Variants in ACACA observed in about 807,000 individuals in gnomAD.
The protein encoded by ACACA is acetyl-CoA carboxylase alpha, also known as acetyl-CoA carboxylase 1.
ACACA carries 103 observed loss-of-function variants against 296.1 expected under a neutral mutation model. That is an observed-to-expected ratio of 0.35 (90% CI 0.30 to 0.41). ACACA has a LOEUF of 0.41. Among genes scored for constraint, ACACA ranks in the 10% least tolerant of loss-of-function variants. The pLI, the probability that ACACA is intolerant of heterozygous loss-of-function variation, is 1.00. For missense variants in ACACA, 1,554 were observed against 2,989.7 expected (o/e 0.52, Z 11.20); for synonymous variants, 953 against 1,038.6 (o/e 0.92, Z 1.58).
chr17:37,312,563 G>T (rs1235764532), intron 3 of ACACA, among the ~76,000 whole-genome samples: 1 of 152,148 alleles, frequency 6.6e-6, no homozygotes, highest in East Asian at 1.9e-4. Flanking sequence ...GTAAAAGTTG[G>T]GGTTGTTATC....
intron 1 of ACACA, among the ~76,000 whole-genome samples, chr17:37,364,352 G>C (rs1391245795): frequency 6.6e-6 from 1 of 152,060 alleles, no homozygotes; most frequent in Non-Finnish European, 1.5e-5. Context: ...CCAAAACTTT[G>C]GGAGGCCAAG....
chr17:37,386,631 GA>G (rs755508445), intron 1 of ACACA, among the ~76,000 whole-genome samples: 2 of 152,084 alleles, frequency 1.3e-5, no homozygotes, highest in African/African-American at 2.4e-5. Context: ...AAAGGTCCCA[GA>G]AATGTTTGTA....
intron 3 of ACACA, among the ~76,000 whole-genome samples, chr17:37,288,771 C>T (rs1423273044): frequency 1.3e-5 from 2 of 151,994 alleles, no homozygotes; most frequent in South Asian, 2.1e-4. Context: ...TGGTGGCACA[C>T]GCCTATAGTC....
intron 33 of ACACA, among the ~76,000 whole-genome samples, chr17:37,202,981 T>G (rs2078335559): frequency 6.6e-6 from 1 of 150,918 alleles, no homozygotes; most frequent in Non-Finnish European, 1.5e-5. Context: ...TTTTTTTAAT[T>G]GAGATGGAGT....
intron 3 of ACACA, among the ~76,000 whole-genome samples, chr17:37,305,302 G>T (rs1028036323): frequency 6.6e-6 from 1 of 152,180 alleles, no homozygotes; most frequent in Admixed American, 6.5e-5. Context: ...ATTTGCCTGA[G>T]CTAAATCTGT....
chr17:37,151,549 G>A (rs1363801380), intron 43 of ACACA, 128 bp from the exon 44 acceptor site: 1 of 1,159,224 alleles, frequency 8.6e-7, no homozygotes, highest in East Asian at 2.5e-5. Flanking sequence ...AGGGCTTTAT[G>A]TGCTTCCTTT....
intron 1 of ACACA, among the ~76,000 whole-genome samples, chr17:37,384,993 C>A (rs1236792260): frequency 1.3e-5 from 2 of 152,192 alleles, no homozygotes; most frequent in African/African-American, 4.8e-5. Context: ...TAGGTCAATT[C>A]TGGAGACGAG....
At chr17:37,088,834 G>C (rs2072405814) in intron 55 of ACACA, 104 bp downstream of exon 55, 1 of 1,438,972 alleles carries the variant, frequency 6.9e-7, no homozygotes, top group Non-Finnish European at 9.8e-7. Context: ...AGAGACTGCA[G>C]AGATCATAAG....
chr17:37,121,259 G>A lies in ACACA; in HGVS notation c.6274+96C>T. The A allele has an allele frequency of 3.2e-6, 5 of 1,557,204 alleles. No individual in the cohort carries two copies. In the Admixed American group the frequency reaches 8.3e-5, roughly 26 times the overall value. On this transcript the variant is annotated intron_variant, in intron 50 of 55. Coordinates refer to ENST00000616317, the MANE Select transcript of ACACA (RefSeq NM_198834.3). ...AATCCCCAAAAAGCCTAGGCTATTA[G>A]GACACCCACAGATTCTGCTGAATCT...
chr17:37,227,212 A>G (rs1048049741), intron 25 of ACACA, among the ~76,000 whole-genome samples: 2 of 152,180 alleles, frequency 1.3e-5, no homozygotes, highest in African/African-American at 4.8e-5. Flanking sequence ...AAATATCCTT[A>G]CTGGAGTCCA....
At chr17:37,340,181 G>A (rs1250806713) in intron 1 of ACACA, among the ~76,000 whole-genome samples, 1 of 152,142 alleles carries the variant, frequency 6.6e-6, no homozygotes, top group Non-Finnish European at 1.5e-5. Flanking sequence ...AGAGGCAGTG[G>A]GGAGAAGAGA....
intron 3 of ACACA, among the ~76,000 whole-genome samples, chr17:37,315,075 C>T (rs191993722): frequency 1.0e-3 from 156 of 150,796 alleles, no homozygotes; most frequent in Non-Finnish European, 1.6e-3. Flanking sequence ...TCTCCTGCCT[C>T]AGCCTCCCGA....
Position 37,151,389 on chromosome 17 carries a change from T to G in ACACA, c.5480A>C (p.Glu1827Ala), listed in dbSNP as rs1466564099. The G allele has an allele frequency of 6.2e-7, 1 of 1,613,844 alleles. No homozygotes were observed. The highest frequency in any genetic ancestry group is 8.5e-7 in the Non-Finnish European group (1 of 1,179,930). ...TCGAAGGTTCTCGGGTCCAATTCCC[T>G]CTTCTTTCCCAATAATATCTGTTAT... ...YKITDIIGKE[E>A]GIGPENLRGS... is the part of the protein sequence containing the mutation. Residue 1827 changes from glutamate to alanine, a missense_variant, in exon 44 of 56, where the codon GAG becomes GCG. Physicochemically the swap from Glu to Ala is moderately radical, Grantham distance 107 (BLOSUM62 -1). This residue lies in a region of ACACA where 553 missense variants were observed against 1,043.6 expected (regional missense o/e 0.53). Transcript: ENST00000616317.
At chr17:37,127,172 C>T (rs2074830123) in intron 47 of ACACA, among the ~76,000 whole-genome samples, 1 of 152,178 alleles carries the variant, frequency 6.6e-6, no homozygotes, top group Non-Finnish European at 1.5e-5. Context: ...CCTACACACA[C>T]ATACTTCTGT....
chr17:37,094,885 C>CA (rs1567650061), intron 54 of ACACA, among the ~76,000 whole-genome samples: 2 of 152,278 alleles, frequency 1.3e-5, no homozygotes. Flanking sequence ...TGGCTGCCCC[C>CA]AGTGCCTAGG....
Position 37,181,270 on chromosome 17 carries a change from T to C in ACACA, c.4863A>G (p.Gln1621=). The C allele has an allele frequency of 1.9e-6, 3 of 1,614,066 alleles. No individual in the cohort carries two copies. Among genetic ancestry groups the C allele is most frequent in the Non-Finnish European group, 2.5e-6 (3 of 1,179,940 alleles). ...AGGATTGTGCCTGGAACCTCTTTGA[T>C]TGCAGCAGGTCTTTGGTCACATATG... The part of the protein sequence containing the change: ...NTPYVTKDLL[Q]SKRFQAQSLG... Residue 1621 remains glutamine, a synonymous_variant, in exon 40 of 56, where the codon CAA becomes CAG. Transcript: ENST00000616317.
chr17:37,258,458 T>C (rs1316809392), intron 12 of ACACA, 85 bp from the exon 13 acceptor site: 2 of 1,344,956 alleles, frequency 1.5e-6, no homozygotes, highest in African/African-American at 2.9e-5. Context: ...AAAATATTTT[T>C]ATTTTTGGAG....
chr17:37,267,291 C>T (rs1375394497), intron 10 of ACACA, among the ~76,000 whole-genome samples: 2 of 152,124 alleles, frequency 1.3e-5, no homozygotes, highest in African/African-American at 2.4e-5. Flanking sequence ...AATATGGTCT[C>T]ATTTACATGT....
chr17:37,246,759 T>C, intron 19 of ACACA, 67 bp downstream of exon 19: 1 of 1,589,570 alleles, frequency 6.3e-7, no homozygotes, highest in Non-Finnish European at 8.6e-7. Flanking sequence ...TCAGTCCTAG[T>C]CCATCCCAGC....
Sources: allele counts gnomAD v4.1 joint callset (sites outside exome capture counted in the v4.1 genomes callset), GRCh38; gene constraint gnomAD v4.1.1; regional missense constraint gnomAD v4.1.1; transcripts MANE v1.5; gene names NCBI Gene and HGNC (gene_info 2026-07-23, HGNC 2026-07-21).